TERT: variants seen among roughly 807,000 people sequenced by gnomAD.
The protein encoded by TERT is telomerase catalytic subunit.
TERT carries 42 observed loss-of-function variants against 104.0 expected under a neutral mutation model. The ratio of observed to expected loss-of-function variants is 0.40; its 90% CI spans 0.32 to 0.52. The LOEUF (loss-of-function observed/expected upper bound fraction) is 0.52, where lower values mean the gene tolerates loss of function less well. TERT is among the 20% of genes least tolerant of loss of function. TERT has a pLI of 0.43. For synonymous variants in TERT, 781 were observed against 725.6 expected, an observed-to-expected ratio of 1.08 and a Z score of -1.23; for missense variants, 1,101 against 1,610.3, an observed-to-expected ratio of 0.68 and a Z score of 5.41.
chr5:1,260,699 T>A lies in TERT; in HGVS notation c.2844-99A>T, dbSNP rs1414342152. 3.2e-6 allele frequency: 5 copies of A among 1,555,426 alleles called. No homozygotes were observed. In the East Asian group the frequency reaches 1.2e-4, roughly 36 times the overall value. On this transcript the variant is annotated intron_variant, in intron 11 of 15. Coordinates refer to ENST00000310581, the MANE Select transcript of TERT (RefSeq NM_198253.3). ...AAGAGCCTCCTGCCTTCCTCCCGCT[T>A]CCTTGTCCTGCCTGGGGCATGCGCT...
At position 1,257,185 on chromosome 5, in the gene TERT, AGCCCAG is replaced by A. The variant is rs914800162; in HGVS notation, c.3032+1407_3032+1412del. Among the ~76,000 whole-genome samples the A allele has an allele frequency of 7.2e-5, 11 of 152,156 alleles. No homozygotes were observed. The highest frequency in any genetic ancestry group is 2.7e-4 in the African/African-American group (11 of 41,430). ...GGGGAAACTCAGCCGCCCTGCCCTG[AGCCCAG>A]GCCCTCTACGGGAGCTCCTCGGAGC... On this transcript the variant is annotated intron_variant, in intron 13 of 15. Coordinates refer to ENST00000310581, the MANE Select transcript of TERT (RefSeq NM_198253.3). This position sits in a 1 kb window ranked among gnomAD's most constrained non-coding sequence, Gnocchi z 5.6.
Position 1,288,388 on chromosome 5 carries a change from G to C in TERT, c.1573+4925C>G, listed in dbSNP as rs1750620390. ...AGATAGAAACGTCAGAGGTAAATCAGTGAAATTCAAAACTAAGACCCAAGA... is the reference window on the plus strand; with the variant it reads ...AGATAGAAACGTCAGAGGTAAATCACTGAAATTCAAAACTAAGACCCAAGA... On this transcript the variant is annotated intron_variant, in intron 2 of 15. Transcript: ENST00000310581. The surrounding 1 kb of genome is among the most constrained non-coding windows in gnomAD (Gnocchi z 5.3). Among the ~76,000 whole-genome samples, 1 of 152,172 alleles carries C rather than the reference G, an allele frequency of 6.6e-6. No individual in the cohort carries two copies. Among genetic ancestry groups the C allele is most frequent in the Admixed American group, 6.5e-5 (1 of 15,280 alleles).
chr5:1,274,541 C>G lies in TERT; in HGVS notation c.2287-2261G>C, dbSNP rs1749405708. On this transcript the variant is annotated intron_variant, in intron 6 of 15. Coordinates refer to ENST00000310581, the MANE Select transcript of TERT (RefSeq NM_198253.3). This position sits in a 1 kb window ranked among gnomAD's most constrained non-coding sequence, Gnocchi z 5.3. ...AGCAAACGGTTCCACCTCAGATCAT[C>G]AGGCATTAGATTCCCATAAGGAGCA... Among the ~76,000 whole-genome samples the G allele has an allele frequency of 6.6e-6, 1 of 152,190 alleles. No homozygotes were observed. Among genetic ancestry groups the G allele is most frequent in the African/African-American group, 2.4e-5 (1 of 41,438 alleles).
At position 1,268,627 on chromosome 5, in the gene TERT, G is replaced by A. The variant is rs141382603; in HGVS notation, c.2475C>T (p.Tyr825=). 2.9e-5 allele frequency: 46 copies of A among 1,611,226 alleles called. No homozygotes were observed. Among genetic ancestry groups the A allele is most frequent in the African/African-American group, 2.7e-4 (20 of 74,926 alleles). ...HHAVRIRGKS[Y]VQCQGIPQGS... ...CCTGCGGGATCCCCTGGCACTGGAC[G>A]TAGGACCTGGGGCGGGAAGACACAG... Residue 825 remains tyrosine, a synonymous_variant, in exon 9 of 16, where the codon TAC becomes TAT. Transcript: ENST00000310581. This position sits in a 1 kb window ranked among gnomAD's most constrained non-coding sequence, Gnocchi z 5.5.
In TERT at chr5:1,260,612, G is replaced by A. The variant is rs199765802; in HGVS notation, c.2844-12C>T. The A allele has an allele frequency of 8.1e-6, 13 of 1,613,672 alleles. No homozygotes were observed. In the East Asian group the frequency reaches 2.5e-4, roughly 30 times the overall value. On this transcript the variant is annotated splice_polypyrimidine_tract_variant and intron_variant, in intron 11 of 15. Coordinates refer to ENST00000310581, the MANE Select transcript of TERT (RefSeq NM_198253.3). ...AGGTCCGGGCATAGCTGAGACACAGGGGGGAATGTCAGACACAGGTGCCTG... is the reference window on the plus strand; with the variant it reads ...AGGTCCGGGCATAGCTGAGACACAGAGGGGAATGTCAGACACAGGTGCCTG...
At chr5:1,285,515 T>C (rs570681894) in intron 2 of TERT, among the ~76,000 whole-genome samples, 1 of 152,118 alleles carries the variant, frequency 6.6e-6, no homozygotes, top group South Asian at 2.1e-4. Flanking sequence ...AAATCTATTA[T>C]TACATTAATT....
In TERT at chr5:1,294,055, T is replaced by C; in HGVS notation, c.831A>G (p.Arg277=). 2.5e-6 allele frequency: 4 copies of C among 1,585,100 alleles called. No individual in the cohort carries two copies. The highest frequency in any genetic ancestry group is 3.4e-6 in the Non-Finnish European group (4 of 1,168,672). The change falls in exon 2 of 16, where the codon AGA becomes AGG. Residue 277 remains arginine, a synonymous_variant. Coordinates refer to ENST00000310581, the MANE Select transcript of TERT (RefSeq NM_198253.3). The part of the protein sequence containing the change: ...DRGFCVVSPA[R]PAEEATSLEG... Reference sequence around the variant, plus strand: ...CCAAAGAGGTGGCTTCTTCGGCGGGTCTGGCAGGTGACACCACACAGAAAC... The same window carrying C: ...CCAAAGAGGTGGCTTCTTCGGCGGGCCTGGCAGGTGACACCACACAGAAAC...
In TERT at chr5:1,294,835, G is replaced by T; in HGVS notation, c.155C>A (p.Ala52Asp). 6.8e-7 allele frequency: 1 copy of T among 1,466,326 alleles called. No individual in the cohort carries two copies. Among genetic ancestry groups the T allele is most frequent in the Admixed American group, 2.5e-5 (1 of 39,968 alleles). 90.8% of individuals were successfully genotyped at this position (1,466,326 alleles called of 1,614,324 possible). A position where few individuals can be genotyped will look rare whatever the true frequency, so the allele number is the denominator to read the frequency against. ...GDPAAFRALV[A>D]QCLVCVPWDA... ...CCAGGGCACGCACACCAGGCACTGG[G>T]CCACCAGCGCGCGGAAAGCCGCCGG... is the stretch of plus-strand genomic sequence containing the variant. Residue 52 changes from alanine to aspartate, a missense_variant, in exon 1 of 16, where the codon GCC (alanine) becomes GAC (aspartate). This residue lies in a region of TERT where 87 missense variants were observed against 145.4 expected (regional missense o/e 0.60). Transcript: ENST00000310581.
At position 1,263,101 on chromosome 5, in the gene TERT, G is replaced by A. The variant is rs928213563; in HGVS notation, c.2843+1303C>T. Among the ~76,000 whole-genome samples the A allele has an allele frequency of 1.3e-5, 2 of 152,148 alleles. No homozygotes were observed. The highest frequency in any genetic ancestry group is 2.9e-5 in the Non-Finnish European group (2 of 68,024). ...TGCACCTGCCACTCCCCCATCATGA[G>A]GGCGTCTGCACCTGCTGCTCCCCCA... On this transcript the variant is annotated intron_variant, in intron 11 of 15. Coordinates refer to ENST00000310581, the MANE Select transcript of TERT (RefSeq NM_198253.3). The surrounding 1 kb of genome is among the most constrained non-coding windows in gnomAD (Gnocchi z 5.3).
intron 2 of TERT, chr5:1,282,968 C>G: frequency 2.5e-6 from 1 of 393,090 alleles, no homozygotes; most frequent in Non-Finnish European, 4.8e-6. Flanking sequence ...TACAGCCCAC[C>G]GCAGGGCCTG....
At position 1,293,546 on chromosome 5, in the gene TERT, C is replaced by A; in HGVS notation, c.1340G>T (p.Arg447Leu). ...GTGCTGGCGGAGCAGCTGCACCAGG[C>A]GACGGGGGTCTGTGTCCTCCTCCTC... ...APEEEDTDPR[R>L]LVQLLRQHSS... is the part of the protein sequence containing the mutation. The change falls in exon 2 of 16, where the codon CGC becomes CTC. Residue 447 changes from arginine (R) to leucine (L), a missense_variant. This residue lies in a region of TERT where 504 missense variants were observed against 544.6 expected (regional missense o/e 0.93). Coordinates refer to ENST00000310581, the MANE Select transcript of TERT (RefSeq NM_198253.3). 3.9e-6 allele frequency: 6 copies of A among 1,549,740 alleles called. No homozygotes were observed. The highest frequency in any genetic ancestry group is 5.2e-6 in the Non-Finnish European group (6 of 1,145,996).
In TERT at chr5:1,254,463, G is replaced by T. The variant is rs1579542703; in HGVS notation, c.3200C>A (p.Ser1067Tyr). Residue 1067 changes from serine (S) to tyrosine (Y), a missense_variant, in exon 15 of 16, where the codon TCC becomes TAC. By Grantham distance (144) the Ser-to-Tyr change is moderately radical (BLOSUM62 -2). This residue lies in a region of TERT where 463 missense variants were observed against 797.5 expected (regional missense o/e 0.58). Transcript: ENST00000310581. ...GTGGCACAGCCACTGCACGGCCTCG[G>T]AGGGCAGAGGGCCGGCGGCGCCCTT... ...GAKGAAGPLP[S>Y]EAVQWLCHQA... The T allele has an allele frequency of 6.2e-7, 1 of 1,612,940 alleles. No individual in the cohort carries two copies. The highest frequency in any genetic ancestry group is 8.5e-7 in the Non-Finnish European group (1 of 1,179,920).
In TERT at chr5:1,265,356, C is replaced by T. The variant is rs1221397444; in HGVS notation, c.2655-764G>A. Reference sequence around the variant, plus strand: ...CATTCCCAGCTCCCTGTGGCCACCCCTTCCTGTTACATGGCTGCCGACTCA... The same window carrying T: ...CATTCCCAGCTCCCTGTGGCCACCCTTTCCTGTTACATGGCTGCCGACTCA... On this transcript the variant is annotated intron_variant, in intron 10 of 15. Transcript: ENST00000310581. This position sits in a 1 kb window ranked among gnomAD's most constrained non-coding sequence, Gnocchi z 6.9. Among the ~76,000 whole-genome samples, 1 of 152,204 alleles carries T rather than the reference C, an allele frequency of 6.6e-6. No homozygotes were observed. Among genetic ancestry groups the T allele is most frequent in the Non-Finnish European group, 1.5e-5 (1 of 68,024 alleles).
In TERT at chr5:1,266,412, G is replaced by T. The variant is rs541759209; in HGVS notation, c.2654+52C>A. 7 of 1,509,914 alleles carry T rather than the reference G, an allele frequency of 4.6e-6. No individual in the cohort carries two copies. The African/African-American group carries it at 5.5e-5, about 12-fold the overall frequency. 93.5% of individuals were successfully genotyped at this position (1,509,914 alleles called of 1,614,324 possible). A position where few individuals can be genotyped will look rare whatever the true frequency, so the allele number is the denominator to read the frequency against. ...GGGGCAGGACACGGGGGGCTCAACT[G>T]CAAAGCCCACAGGCTGTGGAGGTCC... On this transcript the variant is annotated intron_variant, in intron 10 of 15. Transcript: ENST00000310581.
intron 2 of TERT, among the ~76,000 whole-genome samples, chr5:1,289,471 C>T (rs1402269321): frequency 9.0e-5 from 4 of 44,458 alleles, no homozygotes; most frequent in Non-Finnish European, 8.5e-5. Flanking sequence ...CGGCGCCTCA[C>T]TCACCCTACA....
At position 1,260,722 on chromosome 5, in the gene TERT, G is replaced by A. The variant is rs35605907; in HGVS notation, c.2844-122C>T. 1,729 of 1,413,880 alleles carry A rather than the reference G, an allele frequency of 1.2e-3. 16 individuals carry two copies. In the African/African-American group the frequency reaches 0.021, roughly 17 times the overall value. 87.6% of individuals were successfully genotyped at this position (1,413,880 alleles called of 1,614,324 possible). On this transcript the variant is annotated intron_variant, in intron 11 of 15. Coordinates refer to ENST00000310581, the MANE Select transcript of TERT (RefSeq NM_198253.3). Reference sequence around the variant, plus strand: ...CTTCCTTGTCCTGCCTGGGGCATGCGCTGCAGCCCGAGGGGGCTGGGTGCT... The same window carrying A: ...CTTCCTTGTCCTGCCTGGGGCATGCACTGCAGCCCGAGGGGGCTGGGTGCT...
intron 2 of TERT, among the ~76,000 whole-genome samples, chr5:1,291,452 A>G (rs868096013): frequency 1.1e-3 from 29 of 26,402 alleles, no homozygotes; most frequent in East Asian, 2.1e-3. Flanking sequence ...CACTCACCCT[A>G]CACGTGACAG....
rs200736576 is a variant in TERT, at chr5:1,273,794, G to A, written c.2287-1514C>T. Among the ~76,000 whole-genome samples, 10 of 139,796 alleles carry A rather than the reference G, an allele frequency of 7.2e-5. 2 individuals carry two copies. Among genetic ancestry groups the A allele is most frequent in the Admixed American group, 1.4e-4 (2 of 13,870 alleles). 91.7% of individuals were successfully genotyped at this position (139,796 alleles called of 152,430 possible). On this transcript the variant is annotated intron_variant, in intron 6 of 15. Transcript: ENST00000310581. ...ACACATCAGACCCCTGTGACCAACC[G>A]CCATCCACAGTCACCACACATCAGA...
intron 6 of TERT, among the ~76,000 whole-genome samples, chr5:1,278,362 G>A (rs544491040): frequency 3.7e-4 from 56 of 151,898 alleles, no homozygotes; most frequent in African/African-American, 1.3e-3. Context: ...CAGACATGCA[G>A]CACACAGCAT....
Sources: allele counts gnomAD v4.1 joint callset (sites outside exome capture counted in the v4.1 genomes callset), GRCh38; gene constraint gnomAD v4.1.1; regional missense constraint gnomAD v4.1.1; non-coding constraint Gnocchi (gnomAD v3.1); transcripts MANE v1.5; gene names NCBI Gene and HGNC (gene_info 2026-07-23, HGNC 2026-07-21).